Variants in CNTN1 observed in about 807,000 individuals in gnomAD.
CNTN1 encodes the protein contactin-1.
A neutral mutation model predicts 126.4 loss-of-function variants in CNTN1; 38 were observed. That is an observed-to-expected ratio of 0.30 (90% CI 0.23 to 0.39). The LOEUF is 0.39. Ranked by LOEUF, CNTN1 falls within the 10% of genes least tolerant of loss-of-function variation. CNTN1 has a pLI of 1.00. For missense variants in CNTN1, 1,009 were observed against 1,248.4 expected (o/e 0.81, Z 2.89); for synonymous variants, 413 against 422.6 (o/e 0.98, Z 0.28).
intron 16 of CNTN1, among the ~76,000 whole-genome samples, chr12:40,988,170 A>G (rs774444053): frequency 2.6e-5 from 4 of 152,174 alleles, no homozygotes; most frequent in Non-Finnish European, 4.4e-5. Flanking sequence ...TAGGACCTGT[A>G]ACATAAGACT....
At chr12:41,054,568 G>T (rs1949760748) in intron 23 of CNTN1, among the ~76,000 whole-genome samples, 1 of 151,912 alleles carries the variant, frequency 6.6e-6, no homozygotes, top group Non-Finnish European at 1.5e-5. Context: ...ATAAACCAAA[G>T]CACTTATCAC....
At chr12:41,026,663 C>T (rs1226015152) in intron 21 of CNTN1, among the ~76,000 whole-genome samples, 1 of 152,138 alleles carries the variant, frequency 6.6e-6, no homozygotes, top group African/African-American at 2.4e-5. Flanking sequence ...GGGAAGTGTT[C>T]TGGGGCCCAA....
intron 14 of CNTN1, among the ~76,000 whole-genome samples, chr12:40,946,479 A>G (rs185472886): frequency 6.6e-6 from 1 of 152,280 alleles, no homozygotes; most frequent in East Asian, 1.9e-4. Context: ...ACACAGTTGT[A>G]GGCACTAGGT....
At chr12:40,703,548 C>T (rs972328588) in intron 1 of CNTN1, among the ~76,000 whole-genome samples, 2 of 152,166 alleles carry the variant, frequency 1.3e-5, no homozygotes, top group Non-Finnish European at 2.9e-5. Context: ...TTTGCTATAT[C>T]GCTCTCATCT....
intron 14 of CNTN1, among the ~76,000 whole-genome samples, chr12:40,953,612 A>C (rs1946764693): frequency 6.6e-6 from 1 of 152,176 alleles, no homozygotes; most frequent in Non-Finnish European, 1.5e-5. Context: ...TGCTTTATGC[A>C]AGTGGGCTTA....
intron 1 of CNTN1, among the ~76,000 whole-genome samples, chr12:40,811,972 T>A (rs1211043227): frequency 1.3e-5 from 2 of 151,950 alleles, no homozygotes; most frequent in African/African-American, 4.8e-5. Flanking sequence ...TTCCTTGAGA[T>A]GTAATGTTAG....
chr12:40,987,722 T>C (rs902086282), intron 16 of CNTN1, among the ~76,000 whole-genome samples: 1 of 152,218 alleles, frequency 6.6e-6, no homozygotes. Flanking sequence ...ATACTTTAGA[T>C]TATTTCCCTA....
At chr12:40,812,820 T>A (rs1941114771) in intron 1 of CNTN1, among the ~76,000 whole-genome samples, 1 of 152,148 alleles carries the variant, frequency 6.6e-6, no homozygotes, top group South Asian at 2.1e-4. Context: ...TTAGGTCTTA[T>A]TTTTCTGTTC....
intron 17 of CNTN1, among the ~76,000 whole-genome samples, chr12:40,994,120 G>C (rs544727351): frequency 3.9e-5 from 6 of 152,194 alleles, no homozygotes; most frequent in African/African-American, 4.8e-5. Context: ...ATGTCTAGAT[G>C]ATGAGCCTAT....
intron 14 of CNTN1, among the ~76,000 whole-genome samples, chr12:40,947,739 C>A (rs1946479499): frequency 7.1e-6 from 1 of 141,120 alleles, no homozygotes; most frequent in African/African-American, 2.6e-5. Context: ...CTTAAAATTT[C>A]CAGTTTTGGA....
At chr12:40,830,954 T>C (rs1384459283) in intron 1 of CNTN1, among the ~76,000 whole-genome samples, 1 of 107,598 alleles carries the variant, frequency 9.3e-6, no homozygotes, top group Non-Finnish European at 2.0e-5. Context: ...TATATATATA[T>C]ATATATATAC....
intron 1 of CNTN1, among the ~76,000 whole-genome samples, chr12:40,733,065 C>A (rs1472078718): frequency 6.6e-6 from 1 of 151,976 alleles, no homozygotes; most frequent in Non-Finnish European, 1.5e-5. Flanking sequence ...AAAAGAGACA[C>A]AGTTCCTGGG....
At chr12:40,714,073 T>A (rs1048596814) in intron 1 of CNTN1, among the ~76,000 whole-genome samples, 2 of 152,122 alleles carry the variant, frequency 1.3e-5, no homozygotes, top group African/African-American at 2.4e-5. Flanking sequence ...AGCTGTTTTA[T>A]TTTTTGTTTG....
At chr12:41,028,852 G>C (rs1222177423) in intron 22 of CNTN1, among the ~76,000 whole-genome samples, 1 of 151,910 alleles carries the variant, frequency 6.6e-6, no homozygotes, top group Non-Finnish European at 1.5e-5. Flanking sequence ...ACATCTCCTT[G>C]GATAATCCTA....
At chr12:40,815,660 G>A (rs145799465) in intron 1 of CNTN1, among the ~76,000 whole-genome samples, 1,936 of 152,050 alleles carry the variant, frequency 0.013, 43 homozygotes, top group African/African-American at 0.044. Context: ...TTACCTGATT[G>A]CCCTGGCCAG....
At chr12:41,065,053 A>T (rs1950019989) in intron 23 of CNTN1, among the ~76,000 whole-genome samples, 1 of 151,690 alleles carries the variant, frequency 6.6e-6, no homozygotes, top group African/African-American at 2.4e-5. Context: ...TGCTTGCTTT[A>T]TTTTATTTTT....
intron 9 of CNTN1, 35 bp from the exon 10 acceptor site, chr12:40,936,746 T>C (rs930961638): frequency 3.7e-6 from 6 of 1,610,484 alleles, no homozygotes; most frequent in South Asian, 2.2e-5. Flanking sequence ...TCTTGAGCCC[T>C]TCATTTAACA....
chr12:40,763,559 G>C (rs1938951221), intron 1 of CNTN1, among the ~76,000 whole-genome samples: 1 of 152,072 alleles, frequency 6.6e-6, no homozygotes, highest in Non-Finnish European at 1.5e-5. Context: ...ATGTCACTGT[G>C]GCTAGTGTAC....
At chr12:40,819,136 C>T (rs1024835417) in intron 1 of CNTN1, among the ~76,000 whole-genome samples, 1 of 152,102 alleles carries the variant, frequency 6.6e-6, no homozygotes, top group Admixed American at 6.6e-5. Flanking sequence ...TGTCTGACAA[C>T]CCCGGTTGGA....
Sources: allele counts gnomAD v4.1 joint callset (sites outside exome capture counted in the v4.1 genomes callset), GRCh38; gene constraint gnomAD v4.1.1; transcripts MANE v1.5; gene names NCBI Gene and HGNC (gene_info 2026-07-23, HGNC 2026-07-21).